Variants in CTNNA3 observed in about 807,000 individuals in gnomAD.
CTNNA3 encodes catenin alpha 3.
In CTNNA3, 76 loss-of-function variants were observed where a neutral mutation model predicts 95.7. That is an observed-to-expected ratio of 0.79 (90% CI 0.66 to 0.96). The LOEUF is 0.96. CTNNA3 is among the 40% of genes least tolerant of loss of function. The pLI, the probability that CTNNA3 is intolerant of heterozygous loss-of-function variation, is 0.00. For missense variants in CTNNA3, 1,191 were observed against 1,089.8 expected (o/e 1.09, Z -1.31); for synonymous variants, 431 against 374.4 (o/e 1.15, Z -1.74).
rs75668406 is a variant in CTNNA3 at position 67,337,856 on chromosome 10, T to G, written c.580-117986A>C. Among the ~76,000 whole-genome samples the G allele has an allele frequency of 8.2e-3, 1,249 of 152,312 alleles. 13 individuals carry two copies. Among genetic ancestry groups the G allele is most frequent in the African/African-American group, 0.029 (1,190 of 41,574 alleles). On this transcript the variant is annotated intron_variant, in intron 5 of 17. Transcript: ENST00000433211. ...AACATATGCACAGTGTTTTTGGATA[T>G]AATGCAATTGCACACTTAATGGGCT... is the stretch of plus-strand genomic sequence containing the variant.
intron 14 of CTNNA3, among the ~76,000 whole-genome samples, chr10:66,087,887 C>G (rs2081051075): frequency 6.6e-6 from 1 of 152,022 alleles, no homozygotes; most frequent in African/African-American, 2.4e-5. Context: ...CAGTTTGAGA[C>G]AAGAATTAGT....
chr10:67,722,304 G>C (rs1012629787), intron 1 of CTNNA3, among the ~76,000 whole-genome samples: 1 of 152,160 alleles, frequency 6.6e-6, no homozygotes, highest in African/African-American at 2.4e-5. Flanking sequence ...AAAGGGGTTA[G>C]GAGAGGATTG....
chr10:66,413,240 C>T (rs961158583), intron 11 of CTNNA3, among the ~76,000 whole-genome samples: 1 of 152,200 alleles, frequency 6.6e-6, no homozygotes, highest in African/African-American at 2.4e-5. Flanking sequence ...TGGGTCAGCA[C>T]TATTGGCACC....
intron 9 of CTNNA3, among the ~76,000 whole-genome samples, chr10:66,714,437 C>T (rs933078810): frequency 2.6e-5 from 4 of 152,108 alleles, no homozygotes; most frequent in Non-Finnish European, 1.5e-5. Flanking sequence ...TTATCCAGAC[C>T]TTGCAAATTC....
intron 8 of CTNNA3, among the ~76,000 whole-genome samples, chr10:66,771,387 T>C (rs1002766329): frequency 6.6e-6 from 1 of 152,162 alleles, no homozygotes; most frequent in African/African-American, 2.4e-5. Context: ...CTCCTTTTAC[T>C]GAGAGAGTTG....
intron 6 of CTNNA3, among the ~76,000 whole-genome samples, chr10:67,200,056 G>C (rs1480031931): frequency 6.6e-6 from 1 of 152,116 alleles, no homozygotes; most frequent in African/African-American, 2.4e-5. Context: ...CAAAATCTCT[G>C]AGAAGGAGTG....
intron 12 of CTNNA3, among the ~76,000 whole-genome samples, chr10:66,330,048 T>G (rs965555624): frequency 6.6e-6 from 1 of 152,066 alleles, no homozygotes; most frequent in South Asian, 2.1e-4. Flanking sequence ...TTGTGAAATA[T>G]GAAAAAGAAG....
At chr10:67,007,807 T>C (rs1048857365) in intron 7 of CTNNA3, among the ~76,000 whole-genome samples, 3 of 151,946 alleles carry the variant, frequency 2.0e-5, no homozygotes. Context: ...AACTCAAAAG[T>C]TACACATAAC....
At chr10:67,345,999 T>C (rs935293870) in intron 5 of CTNNA3, among the ~76,000 whole-genome samples, 6 of 152,150 alleles carry the variant, frequency 3.9e-5, no homozygotes, top group African/African-American at 1.4e-4. Flanking sequence ...GTATCCATTG[T>C]ATATTTTTGG....
intron 1 of CTNNA3, among the ~76,000 whole-genome samples, chr10:67,708,749 TCAGAGAA>T: frequency 6.6e-6 from 1 of 152,160 alleles, no homozygotes; most frequent in African/African-American, 2.4e-5. Flanking sequence ...GTTGTTTCAC[TCAGAGAA>T]ATTCAGTGAG....
At chr10:66,749,111 G>GAGAATCAC (rs1839012016) in intron 9 of CTNNA3, among the ~76,000 whole-genome samples, 1 of 147,032 alleles carries the variant, frequency 6.8e-6, no homozygotes, top group Admixed American at 6.9e-5. Context: ...GCTGAGACAG[G>GAGAATCAC]AGAATCACTT....
At chr10:67,416,382 G>A (rs1026237650) in intron 5 of CTNNA3, among the ~76,000 whole-genome samples, 3 of 151,736 alleles carry the variant, frequency 2.0e-5, no homozygotes, top group Admixed American at 6.6e-5. Context: ...GCCGAGGAGG[G>A]TGGTTCACGA....
At chr10:67,163,908 G>A (rs1589812081) in intron 7 of CTNNA3, among the ~76,000 whole-genome samples, 1 of 151,764 alleles carries the variant, frequency 6.6e-6, no homozygotes, top group Admixed American at 6.6e-5. Context: ...AAACAATTAG[G>A]TATAAGTCTA....
In CTNNA3 at chr10:67,598,037, G is replaced by A. The variant is rs557486800; in HGVS notation, c.292+8820C>T. Among the ~76,000 whole-genome samples the A allele has an allele frequency of 3.9e-5, 6 of 152,238 alleles. No homozygotes were observed. In the South Asian group the frequency reaches 1.2e-3, roughly 32 times the overall value. ...CAGACAGAGACCTTGGGAGAGGCTG[G>A]GCAGACAGAGGAGCACTCATCAGAC... On this transcript the variant is annotated intron_variant, in intron 3 of 17. Coordinates refer to ENST00000433211, the MANE Select transcript of CTNNA3 (RefSeq NM_013266.4).
chr10:66,353,419 C>T (rs1446296623), intron 12 of CTNNA3, among the ~76,000 whole-genome samples: 1 of 152,098 alleles, frequency 6.6e-6, no homozygotes, highest in Non-Finnish European at 1.5e-5. Context: ...GGATGCGCAG[C>T]TCACTGTGTT....
chr10:66,120,708 A>G (rs1415352535), intron 13 of CTNNA3, among the ~76,000 whole-genome samples: 1 of 152,198 alleles, frequency 6.6e-6, no homozygotes, highest in African/African-American at 2.4e-5. Context: ...GTTTTGTTAG[A>G]TAATTGAAAA....
intron 7 of CTNNA3, among the ~76,000 whole-genome samples, chr10:67,057,365 T>C (rs1392105451): frequency 6.6e-6 from 1 of 152,060 alleles, no homozygotes; most frequent in African/African-American, 2.4e-5. Flanking sequence ...CTGTGCATGG[T>C]CTTCAGAGCT....
intron 14 of CTNNA3, among the ~76,000 whole-genome samples, chr10:66,071,533 T>C (rs1042463466): frequency 3.9e-5 from 6 of 152,150 alleles, no homozygotes; most frequent in African/African-American, 1.4e-4. Context: ...TCAGAAAATA[T>C]AGCTCTAGAG....
intron 2 of CTNNA3, among the ~76,000 whole-genome samples, chr10:67,639,073 G>T (rs1839428542): frequency 6.6e-6 from 1 of 152,076 alleles, no homozygotes; most frequent in Non-Finnish European, 1.5e-5. Flanking sequence ...TCCAGGAGCT[G>T]GTTTTTTGAA....
Sources: gnomAD v4.1 joint callset for allele counts (sites outside exome capture counted in the v4.1 genomes callset) on GRCh38, gnomAD v4.1.1 for gene constraint, MANE v1.5 for transcripts, NCBI Gene and HGNC (gene_info 2026-07-23, HGNC 2026-07-21) for gene names.